SYNE1: variants seen among roughly 807,000 people sequenced by gnomAD.
SYNE1 encodes the protein nesprin-1.
A neutral mutation model predicts 1,111.0 loss-of-function variants in SYNE1; 616 were observed. The ratio of observed to expected loss-of-function variants is 0.55; its 90% CI spans 0.52 to 0.59. The LOEUF (loss-of-function observed/expected upper bound fraction) is 0.59, where lower values mean the gene tolerates loss of function less well. SYNE1 is among the 20% of genes least tolerant of loss of function. SYNE1 has a pLI of 0.00. For missense variants in SYNE1, 10,006 were observed against 10,417.0 expected (o/e 0.96, Z 1.72); for synonymous variants, 3,855 against 3,825.8 (o/e 1.01, Z -0.28).
rs756672754 is a variant in SYNE1 at position 152,409,193 on chromosome 6, G to C, written c.6415C>G (p.Gln2139Glu). The C allele has an allele frequency of 6.2e-7, 1 of 1,614,016 alleles. No individual in the cohort carries two copies. The change falls in exon 44 of 146, where the codon CAG becomes GAG. Residue 2139 changes from glutamine (Q) to glutamate (E), a missense_variant. By Grantham distance (29) the Gln-to-Glu change is conservative (BLOSUM62 2). Coordinates refer to ENST00000367255, the MANE Select transcript of SYNE1 (RefSeq NM_182961.4). ...ETAKNKMNYKQKDLDNFTSKG... is the reference protein window; with the variant it reads ...ETAKNKMNYKEKDLDNFTSKG... ...CTGGTAAAGTTATCCAAGTCTTTCT[G>C]TTTGTAATTCATTTTGTTCTTGGCA...
chr6:152,327,138 C>A (rs774172343), intron 78 of SYNE1, among the ~76,000 whole-genome samples: 2 of 151,916 alleles, frequency 1.3e-5, no homozygotes, highest in Admixed American at 6.6e-5. Context: ...ACTAAAAATA[C>A]GAAAATTAGC....
At chr6:152,426,997 A>C (rs2098368130) in intron 38 of SYNE1, among the ~76,000 whole-genome samples, 1 of 152,220 alleles carries the variant, frequency 6.6e-6, no homozygotes, top group African/African-American at 2.4e-5. Context: ...TAATACAATA[A>C]ATCTTTTTTG....
intron 128 of SYNE1, among the ~76,000 whole-genome samples, chr6:152,186,419 G>A (rs1005428268): frequency 2.1e-4 from 32 of 151,744 alleles, no homozygotes; most frequent in Admixed American, 6.6e-5. Context: ...TACAGGGCGT[G>A]GTGGCACATG....
intron 47 of SYNE1, among the ~76,000 whole-genome samples, chr6:152,400,902 A>C (rs1341834715): frequency 2.0e-5 from 3 of 152,194 alleles, no homozygotes; most frequent in Non-Finnish European, 4.4e-5. Flanking sequence ...GACTCTGAGC[A>C]GGCACTACAG....
chr6:152,125,278 T>C lies in SYNE1; in HGVS notation c.26154-2602A>G, dbSNP rs1329472432. 8 of 1,550,458 alleles carry C rather than the reference T, an allele frequency of 5.2e-6. No individual in the cohort carries two copies. In the South Asian group the frequency reaches 8.3e-5, roughly 16 times the overall value. On this transcript the variant is annotated intron_variant, in intron 145 of 145. Coordinates refer to ENST00000367255, the MANE Select transcript of SYNE1 (RefSeq NM_182961.4). ...ATTCATTTCACAGGTATCTCACATG[T>C]AGAAGCAAAGAAGAGAATCCTGAAC... is the stretch of plus-strand genomic sequence containing the variant.
Position 152,331,729 on chromosome 6 carries a change from C to G in SYNE1, c.12956G>C (p.Ser4319Thr). 6.2e-7 allele frequency: 1 copy of G among 1,614,182 alleles called. No homozygotes were observed. The highest frequency in any genetic ancestry group is 1.1e-5 in the South Asian group (1 of 91,082). ...CTGAAACCAACGTTGCTCTAAATGA[C>G]TCGTCTGTTCTTTGACTAACTCCTT... ...DDKELVKEQT[S>T]HLEQRWFQLE... Residue 4319 changes from serine (S) to threonine (T), a missense_variant, in exon 78 of 146, where the codon AGT becomes ACT. By Grantham distance (58) the Ser-to-Thr change is moderately conservative. Transcript: ENST00000367255.
chr6:152,154,003 A>T (rs2152933582), intron 133 of SYNE1, among the ~76,000 whole-genome samples: 1 of 152,336 alleles, frequency 6.6e-6, no homozygotes, highest in East Asian at 1.9e-4. Flanking sequence ...TTACATTTTC[A>T]GTCTTATTTC....
intron 42 of SYNE1, among the ~76,000 whole-genome samples, chr6:152,409,932 A>T (rs1563799978): frequency 6.6e-6 from 1 of 152,212 alleles, no homozygotes; most frequent in African/African-American, 2.4e-5. Context: ...AACAAAATCT[A>T]TGAACTCAAT....
chr6:152,205,719 C>T lies in SYNE1; in HGVS notation c.23019+449G>A, dbSNP rs542239170. The stretch of plus-strand genomic sequence containing the variant: ...ACCTCCTGGAGATTTTATCTCATGG[C>T]AACTTGCTTGGATCAGCTAAGATAA... On this transcript the variant is annotated intron_variant, in intron 126 of 145. Coordinates refer to ENST00000367255, the MANE Select transcript of SYNE1 (RefSeq NM_182961.4). Among the ~76,000 whole-genome samples the T allele has an allele frequency of 3.3e-5, 5 of 152,298 alleles. No homozygotes were observed. In the South Asian group the frequency reaches 1.0e-3, roughly 32 times the overall value.
intron 5 of SYNE1, among the ~76,000 whole-genome samples, chr6:152,523,101 G>C (rs2099147835): frequency 6.6e-6 from 1 of 151,882 alleles, no homozygotes; most frequent in Non-Finnish European, 1.5e-5. Context: ...TTTGCTCTTA[G>C]GGTCTTAGTA....
chr6:152,225,163 C>T (rs2081253051), intron 116 of SYNE1, among the ~76,000 whole-genome samples: 1 of 151,006 alleles, frequency 6.6e-6, no homozygotes, highest in African/African-American at 2.4e-5. Flanking sequence ...TGAAAATTAC[C>T]CAAGATTATA....
At chr6:152,265,461 T>C (rs1352076975) in intron 100 of SYNE1, among the ~76,000 whole-genome samples, 1 of 152,170 alleles carries the variant, frequency 6.6e-6, no homozygotes, top group Non-Finnish European at 1.5e-5. Flanking sequence ...TGAATTTTTC[T>C]ATTTTCTAAA....
chr6:152,316,961 T>C lies in SYNE1; in HGVS notation c.16598A>G (p.Asn5533Ser), dbSNP rs201510884. 4.3e-6 allele frequency: 7 copies of C among 1,613,998 alleles called. No individual in the cohort carries two copies. In the East Asian group the frequency reaches 1.1e-4, roughly 26 times the overall value. The change falls in exon 87 of 146, where the codon AAT becomes AGT. Residue 5533 changes from asparagine to serine, a missense_variant. Around this residue, in one of 7 missense-constraint regions of SYNE1, gnomAD observed 4,955 missense variants for 5,017.2 expected, o/e 0.99. Transcript: ENST00000367255. ...NQAASHLEEYNEMLELILKWI... is the reference protein window; with the variant it reads ...NQAASHLEEYSEMLELILKWI... ...CTTCAAAATTAATTCAAGCATTTCA[T>C]TGTATTCTTCTAAATGTGATGCTGC... is the stretch of plus-strand genomic sequence containing the variant.
At position 152,465,967 on chromosome 6, in the gene SYNE1, T is replaced by C; in HGVS notation, c.1729+15A>G. On this transcript the variant is annotated intron_variant, in intron 17 of 145. Coordinates refer to ENST00000367255, the MANE Select transcript of SYNE1 (RefSeq NM_182961.4). The stretch of plus-strand genomic sequence containing the variant: ...CTGCAGTCTACGTTGCAACAAATTC[T>C]GTAGTATGTTTTACCTGAACCATCT... 1 of 1,582,872 alleles carries C rather than the reference T, an allele frequency of 6.3e-7. No homozygotes were observed. Among genetic ancestry groups the C allele is most frequent in the Non-Finnish European group, 8.7e-7 (1 of 1,151,992 alleles).
Position 152,330,142 on chromosome 6 carries a change from G to A in SYNE1, c.14543C>T (p.Pro4848Leu). 1 of 1,614,190 alleles carries A rather than the reference G, an allele frequency of 6.2e-7. No homozygotes were observed. The highest frequency in any genetic ancestry group is 8.5e-7 in the Non-Finnish European group (1 of 1,180,038). ...ATGCCTGGCTTTCTCATAAGCCAAG[G>A]GGTCAAGGTGTGGGGCAAGATCTTC... ...HLEDLAPHLD[P>L]LAYEKARHQI... Residue 4848 changes from proline (P) to leucine (L), a missense_variant, in exon 78 of 146, where the codon CCC becomes CTC. Pro to Leu is a moderately conservative substitution (Grantham distance 98). Coordinates refer to ENST00000367255, the MANE Select transcript of SYNE1 (RefSeq NM_182961.4).
At chr6:152,201,181 T>G (rs537942918) in intron 127 of SYNE1, among the ~76,000 whole-genome samples, 1 of 152,286 alleles carries the variant, frequency 6.6e-6, no homozygotes, top group African/African-American at 2.4e-5. Flanking sequence ...GACATTTCAC[T>G]TGGCTACAAA....
At chr6:152,457,255 ACACTCAGGTATTGTAGCCTTCAT>A (rs1372894614) in intron 22 of SYNE1, among the ~76,000 whole-genome samples, 3 of 152,176 alleles carry the variant, frequency 2.0e-5, no homozygotes, top group African/African-American at 7.2e-5. Flanking sequence ...AATAAGCTTT[ACACTCAGGTATTGTAGCCTTCAT>A]CTTAAAGTGA....
At chr6:152,580,334 C>A (rs1379979466) in intron 3 of SYNE1, among the ~76,000 whole-genome samples, 2 of 152,048 alleles carry the variant, frequency 1.3e-5, no homozygotes, top group African/African-American at 4.8e-5. Context: ...CTGTTCATGT[C>A]CTTTGCCCAT....
chr6:152,518,521 C>T (rs947409361), intron 6 of SYNE1, among the ~76,000 whole-genome samples: 3 of 152,182 alleles, frequency 2.0e-5, no homozygotes, highest in African/African-American at 7.2e-5. Context: ...CTTCCTGAGG[C>T]CTCTCCGGAA....
Sources: allele counts gnomAD v4.1 joint callset (sites outside exome capture counted in the v4.1 genomes callset), GRCh38; gene constraint gnomAD v4.1.1; regional missense constraint gnomAD v4.1.1; transcripts MANE v1.5; gene names NCBI Gene and HGNC (gene_info 2026-07-23, HGNC 2026-07-21).